ATR: variants seen among roughly 807,000 people sequenced by gnomAD.
The protein encoded by ATR is serine/threonine-protein kinase ATR.
A neutral mutation model predicts 305.3 loss-of-function variants in ATR; 142 were observed. The observed-to-expected ratio is 0.47, with a 90% CI of 0.41 to 0.53. The LOEUF (loss-of-function observed/expected upper bound fraction) is 0.53, where lower values mean the gene tolerates loss of function less well. Among genes scored for constraint, ATR ranks in the 20% least tolerant of loss-of-function variants. The pLI is 0.00. For missense variants in ATR, 2,135 were observed against 3,133.1 expected (o/e 0.68, Z 7.60); for synonymous variants, 1,050 against 1,068.1 (o/e 0.98, Z 0.33).
chr3:142,467,525 C>T (rs1430978903), intron 39 of ATR, among the ~76,000 whole-genome samples: 9 of 152,024 alleles, frequency 5.9e-5, no homozygotes, highest in South Asian at 2.1e-4. Context: ...TCTTCCCTAT[C>T]GTAAGTGTAG....
chr3:142,562,395 C>A lies in ATR; in HGVS notation c.1007G>T (p.Arg336Leu). 1 of 1,614,048 alleles carries A rather than the reference C, an allele frequency of 6.2e-7. No homozygotes were observed. Among genetic ancestry groups the A allele is most frequent in the Non-Finnish European group, 8.5e-7 (1 of 1,179,984 alleles). Residue 336 changes from arginine (R) to leucine (L), a missense_variant, in exon 4 of 47, where the codon CGG becomes CTG. Coordinates refer to ENST00000350721, the MANE Select transcript of ATR (RefSeq NM_001184.4). ...TGCTTTTAGCAAATCAGACTTAAGC[C>A]GCATGAGCACACCGTCTTCAAACAT... ...CVMFEDGVLM[R>L]LKSDLLKAAL...
In ATR at chr3:142,470,129, A is replaced by G; in HGVS notation, c.6276T>C (p.Thr2092=). The G allele has an allele frequency of 6.2e-7, 1 of 1,611,474 alleles. No individual in the cohort carries two copies. Among genetic ancestry groups the G allele is most frequent in the South Asian group, 1.1e-5 (1 of 90,984 alleles). Residue 2092 remains threonine, a synonymous_variant, in exon 37 of 47, where the codon ACT becomes ACC. Transcript: ENST00000350721. ...FIYQSMPRML[T]LWLDYGTKAY... is the part of the protein sequence containing the mutation. Reference sequence around the variant, plus strand: ...CCTTTGTACCATAATCAAGCCATAGAGTTAACATTCGTGGCATTGACTGAT... The same window carrying G: ...CCTTTGTACCATAATCAAGCCATAGGGTTAACATTCGTGGCATTGACTGAT...
intron 36 of ATR, among the ~76,000 whole-genome samples, chr3:142,480,549 G>T (rs1410016405): frequency 3.9e-5 from 6 of 152,208 alleles, no homozygotes; most frequent in Non-Finnish European, 8.8e-5. Flanking sequence ...CCCACTTGAG[G>T]AGGCAGTCTG....
intron 25 of ATR, 77 bp from the exon 26 acceptor site, chr3:142,513,715 T>A: frequency 2.1e-6 from 3 of 1,416,980 alleles, no homozygotes; most frequent in Non-Finnish European, 2.9e-6. Flanking sequence ...TGTGAGATAA[T>A]TTATCACAAA....
chr3:142,518,452 G>A (rs1458266287), intron 24 of ATR, among the ~76,000 whole-genome samples: 2 of 152,190 alleles, frequency 1.3e-5, no homozygotes, highest in African/African-American at 4.8e-5. Context: ...AGGAGGTAGA[G>A]GCTGCAGTGA....
chr3:142,500,956 C>T (rs946622687), intron 30 of ATR, among the ~76,000 whole-genome samples: 4 of 151,918 alleles, frequency 2.6e-5, no homozygotes, highest in African/African-American at 9.7e-5. Flanking sequence ...AGACTTATAG[C>T]AAAAAGTACA....
intron 1 of ATR, among the ~76,000 whole-genome samples, chr3:142,569,966 G>T (rs2035210180): frequency 6.6e-6 from 1 of 152,026 alleles, no homozygotes; most frequent in Non-Finnish European, 1.5e-5. Context: ...TTTATTAATA[G>T]CTATCATAAT....
chr3:142,453,873 G>A (rs111936453), intron 45 of ATR, among the ~76,000 whole-genome samples: 6 of 152,066 alleles, frequency 3.9e-5, no homozygotes, highest in Non-Finnish European at 5.9e-5. Context: ...CTCTACGGCC[G>A]TGACACTATC....
rs757622477 is a variant in ATR, at chr3:142,535,126, C to T, written c.3899G>A (p.Arg1300His). ...CTTCAAGCTTGTAAGAGCATGAATA[C>T]GAACATCGACATTTTCATGTTGAAT... Reference protein sequence around the residue: ...KAIQHENVDVRIHALTSLKET... With the variant: ...KAIQHENVDVHIHALTSLKET... Residue 1300 changes from arginine to histidine, a missense_variant, in exon 21 of 47, where the codon CGT becomes CAT. Coordinates refer to ENST00000350721, the MANE Select transcript of ATR (RefSeq NM_001184.4). 19 of 1,612,892 alleles carry T rather than the reference C, an allele frequency of 1.2e-5. No homozygotes were observed. Among genetic ancestry groups the T allele is most frequent in the South Asian group, 3.3e-5 (3 of 91,048 alleles).
rs1371461702 is a variant in ATR at position 142,485,210 on chromosome 3, G to A, written c.6151C>T (p.Pro2051Ser). 2 of 1,614,032 alleles carry A rather than the reference G, an allele frequency of 1.2e-6. No individual in the cohort carries two copies. The highest frequency in any genetic ancestry group is 1.7e-6 in the Non-Finnish European group (2 of 1,179,970). Residue 2051 changes from proline to serine, a missense_variant, in exon 36 of 47, where the codon CCC (proline) becomes TCC (serine). Coordinates refer to ENST00000350721, the MANE Select transcript of ATR (RefSeq NM_001184.4). ...YLAKYYDKLM[P>S]MVTDNKMEKQ... ...TCCATTTTGTTGTCTGTGACCATGG[G>A]CATCAATTTGTCATAGTACTTGGCA...
At position 142,459,003 on chromosome 3, in the gene ATR, C is replaced by CA; in HGVS notation, c.7457dup (p.Leu2486PhefsTer4). On this transcript the variant is annotated frameshift_variant, in exon 44 of 47. Coordinates refer to ENST00000350721, the MANE Select transcript of ATR (RefSeq NM_001184.4). LOFTEE classifies it high-confidence loss of function. Reference sequence around the variant, plus strand: ...AATCTACATGTACGCATTCACCAGTCAAAGAATCAAAGAGAATATTTTCAC... The same window carrying CA: ...AATCTACATGTACGCATTCACCAGTCAAAAGAATCAAAGAGAATATTTTCAC... 6.2e-7 allele frequency: 1 copy of CA among 1,613,868 alleles called. No individual in the cohort carries two copies. The highest frequency in any genetic ancestry group is 8.5e-7 in the Non-Finnish European group (1 of 1,179,814).
intron 36 of ATR, among the ~76,000 whole-genome samples, chr3:142,478,598 T>C (rs2030112164): frequency 6.6e-6 from 1 of 152,242 alleles, no homozygotes; most frequent in Non-Finnish European, 1.5e-5. Flanking sequence ...TGTAGATGTC[T>C]ATTAGGTCTG....
chr3:142,539,507 G>A (rs147753137), intron 18 of ATR, among the ~76,000 whole-genome samples: 23 of 152,092 alleles, frequency 1.5e-4, no homozygotes, highest in South Asian at 4.2e-4. Context: ...AAAAATCTAC[G>A]TTATCAAAAT....
intron 25 of ATR, 32 bp from the exon 26 acceptor site, chr3:142,513,670 A>G: frequency 1.2e-6 from 2 of 1,607,450 alleles, no homozygotes; most frequent in Non-Finnish European, 1.7e-6. Flanking sequence ...ACAGTAACAC[A>G]CTTTCACATA....
At position 142,547,887 on chromosome 3, in the gene ATR, C is replaced by T. The variant is rs2108451805; in HGVS notation, c.3195G>A (p.Gly1065=). 6.2e-7 allele frequency: 1 copy of T among 1,613,818 alleles called. No homozygotes were observed. Among genetic ancestry groups the T allele is most frequent in the South Asian group, 1.1e-5 (1 of 91,038 alleles). Residue 1065 remains glycine, a synonymous_variant, in exon 16 of 47, where the codon GGG becomes GGA. Transcript: ENST00000350721. Reference sequence around the variant, plus strand: ...CTTGGAAATCTTGTCTCAACAGGCTCCCCAGTTCAATTTCTGTTTCATTCT... The same window carrying T: ...CTTGGAAATCTTGTCTCAACAGGCTTCCCAGTTCAATTTCTGTTTCATTCT... ...YLKNETEIEL[G]SLLRQDFQGL...
chr3:142,524,108 G>C lies in ATR; in HGVS notation c.4037C>G (p.Ala1346Gly), dbSNP rs751767612. Reference protein sequence around the residue: ...VTVLLKGCQDANSQARLLCGE... With the variant: ...VTVLLKGCQDGNSQARLLCGE... ...ACAGAGCAACCGAGCTTGAGAGTTT[G>C]CATCTTGGCAACCTTTCAAAAGCAC... The change falls in exon 22 of 47, where the codon GCA becomes GGA. Residue 1346 changes from alanine to glycine, a missense_variant. By Grantham distance (60) the Ala-to-Gly change is moderately conservative (BLOSUM62 0). Around this residue, in one of 9 missense-constraint regions of ATR, gnomAD observed 530 missense variants for 766.8 expected, o/e 0.69. Coordinates refer to ENST00000350721, the MANE Select transcript of ATR (RefSeq NM_001184.4). The C allele has an allele frequency of 1.2e-6, 2 of 1,614,012 alleles. No individual in the cohort carries two copies. The highest frequency in any genetic ancestry group is 1.7e-6 in the Non-Finnish European group (2 of 1,179,950).
intron 28 of ATR, 127 bp from the exon 29 acceptor site, chr3:142,505,430 G>T: frequency 8.9e-7 from 1 of 1,126,366 alleles, no homozygotes; most frequent in Non-Finnish European, 1.3e-6. Flanking sequence ...GTAATAGTAA[G>T]CATTTGTTTC....
At chr3:142,498,553 G>C (rs2108340205) in intron 32 of ATR, 44 bp downstream of exon 32, 1 of 1,595,436 alleles carries the variant, frequency 6.3e-7, no homozygotes, top group Non-Finnish European at 8.6e-7. Context: ...CCTGTCAGGT[G>C]ACATTTATAG....
chr3:142,573,694 T>C (rs1235706893), intron 1 of ATR, among the ~76,000 whole-genome samples: 1 of 152,140 alleles, frequency 6.6e-6, no homozygotes, highest in African/African-American at 2.4e-5. Context: ...TAACAATATA[T>C]CTGAAATATT....
Sources: gnomAD v4.1 joint callset for allele counts (sites outside exome capture counted in the v4.1 genomes callset) on GRCh38, gnomAD v4.1.1 for gene constraint, gnomAD v4.1.1 regional missense constraint, MANE v1.5 for transcripts, NCBI Gene and HGNC (gene_info 2026-07-23, HGNC 2026-07-21) for gene names.